PCDHGA3: variants seen among roughly 807,000 people sequenced by gnomAD.
The protein encoded by PCDHGA3 is protocadherin gamma subfamily A, 3, also known as protocadherin gamma-A3.
PCDHGA3 carries 40 observed loss-of-function variants against 58.5 expected under a neutral mutation model. The ratio of observed to expected loss-of-function variants is 0.68; its 90% CI spans 0.53 to 0.89. PCDHGA3 has a LOEUF of 0.89. Ranked by LOEUF, PCDHGA3 falls within the 40% of genes least tolerant of loss-of-function variation. The pLI is 0.00. For missense variants in PCDHGA3, 1,223 were observed against 1,195.9 expected (o/e 1.02, Z -0.33); for synonymous variants, 530 against 525.7 (o/e 1.01, Z -0.11).
intron 1 of PCDHGA3, chr5:141,364,471 C>T (rs1307954673): frequency 3.1e-6 from 5 of 1,613,918 alleles, no homozygotes; most frequent in Non-Finnish European, 4.2e-6. Context: ...TCGTCGGCAA[C>T]ATAGCCAAGG....
Position 141,505,374 on chromosome 5 carries a change from C to T in PCDHGA3, c.2484-19C>T. The T allele has an allele frequency of 2.5e-6, 4 of 1,614,004 alleles. No homozygotes were observed. Among genetic ancestry groups the T allele is most frequent in the Non-Finnish European group, 2.5e-6 (3 of 1,179,944 alleles). On this transcript the variant is annotated intron_variant, in intron 2 of 3. Coordinates refer to ENST00000253812, the MANE Select transcript of PCDHGA3 (RefSeq NM_018916.4). Reference sequence around the variant, plus strand: ...TGCCGGCCTGGGAGTCTGTGCTCACCATCCTACTCTCTCCCCAGCTCCCAA... The same window carrying T: ...TGCCGGCCTGGGAGTCTGTGCTCACTATCCTACTCTCTCCCCAGCTCCCAA...
chr5:141,419,358 C>A (rs569760413), intron 1 of PCDHGA3: 1 of 1,613,810 alleles, frequency 6.2e-7, no homozygotes, highest in South Asian at 1.1e-5. Flanking sequence ...GAGTCACGAA[C>A]GCTGTCGTCC....
intron 1 of PCDHGA3, chr5:141,415,772 T>TTC: frequency 7.5e-7 from 1 of 1,332,986 alleles, no homozygotes; most frequent in Non-Finnish European, 9.6e-7. Flanking sequence ...TTTTTTTTTT[T>TTC]ACTTTCTGGT....
At chr5:141,366,150 G>C in intron 1 of PCDHGA3, 2 of 1,614,136 alleles carry the variant, frequency 1.2e-6, no homozygotes, top group Non-Finnish European at 1.7e-6. Context: ...CTGTCCTACC[G>C]CCTGCTTAAG....
intron 1 of PCDHGA3, among the ~76,000 whole-genome samples, chr5:141,438,629 TATATATACACAC>T (rs1343412075): frequency 0.05 from 2,378 of 47,602 alleles, 22 homozygotes; most frequent in African/African-American, 0.12. Context: ...TATATATATA[TATATATACACAC>T]ACACACACAC....
intron 1 of PCDHGA3, chr5:141,399,900 C>A (rs752796935): frequency 6.2e-7 from 1 of 1,612,532 alleles, no homozygotes; most frequent in African/African-American, 1.3e-5. Flanking sequence ...TGGCCGTGGA[C>A]GCAGACTCAG....
At chr5:141,374,954 A>C in intron 1 of PCDHGA3, 1 of 1,613,990 alleles carries the variant, frequency 6.2e-7, no homozygotes, top group Non-Finnish European at 8.5e-7. Flanking sequence ...GATCTCACAA[A>C]TTTTCTGTTT....
intron 1 of PCDHGA3, chr5:141,362,628 C>T (rs1366089431): frequency 1.0e-5 from 15 of 1,498,628 alleles, no homozygotes; most frequent in African/African-American, 7.0e-5. Context: ...AGTTCCACTG[C>T]GTATTTCTTT....
Position 141,511,703 on chromosome 5 carries a change from T to G in PCDHGA3, c.*530T>G, listed in dbSNP as rs148447880. On this transcript the variant is annotated 3_prime_UTR_variant, in exon 4 of 4. Coordinates refer to ENST00000253812, the MANE Select transcript of PCDHGA3 (RefSeq NM_018916.4). ...AAAGCATGGTTTGGTGCCAGCCCCT[T>G]CACCTCCTTCCAGAGCCCAAGATCA... The G allele has an allele frequency of 1.1e-4, 21 of 189,942 alleles. No homozygotes were observed. In the East Asian group the frequency reaches 2.4e-3, roughly 22 times the overall value. 11.8% of individuals were successfully genotyped at this position (189,942 alleles called of 1,614,324 possible).
rs377387694 is a variant in PCDHGA3 at position 141,366,375 on chromosome 5, T to C, written c.2424+19918T>C. 67 of 1,614,096 alleles carry C rather than the reference T, an allele frequency of 4.2e-5. No individual in the cohort carries two copies. Among genetic ancestry groups the C allele is most frequent in the East Asian group, 1.8e-4 (8 of 44,892 alleles). ...GACCTAGGCAGTATCAAGACCCCCA[T>C]TGACCCTGAGGATCTGGACCTCACA... On this transcript the variant is annotated intron_variant, in intron 1 of 3. Transcript: ENST00000253812.
Position 141,476,278 on chromosome 5 carries a change from T to C in PCDHGA3, c.2425-18529T>C, listed in dbSNP as rs746655724. On this transcript the variant is annotated intron_variant, in intron 1 of 3. Transcript: ENST00000253812. The surrounding 1 kb of genome is among the most constrained non-coding windows in gnomAD (Gnocchi z 7.6). ...CTGTGGGCAACGTGGTCGCGAACCTTGGTTTGGATCTCGGTAGCCTCTCAG... is the reference window on the plus strand; with the variant it reads ...CTGTGGGCAACGTGGTCGCGAACCTCGGTTTGGATCTCGGTAGCCTCTCAG... The C allele has an allele frequency of 3.2e-5, 52 of 1,613,758 alleles. No homozygotes were observed. Among genetic ancestry groups the C allele is most frequent in the Non-Finnish European group, 4.2e-5 (49 of 1,179,958 alleles).
chr5:141,390,474 C>A, intron 1 of PCDHGA3: 1 of 688,724 alleles, frequency 1.5e-6, no homozygotes, highest in Non-Finnish European at 2.4e-6. Flanking sequence ...TTGTGTGGCC[C>A]AACATTTGTT....
At chr5:141,379,806 A>C (rs965954468) in intron 1 of PCDHGA3, among the ~76,000 whole-genome samples, 2 of 150,310 alleles carry the variant, frequency 1.3e-5, no homozygotes, top group African/African-American at 4.9e-5. Context: ...AGGTTTTGAG[A>C]GTTCAGTATA....
In PCDHGA3 at chr5:141,490,261, G is replaced by T; in HGVS notation, c.2425-4546G>T. 6.2e-7 allele frequency: 1 copy of T among 1,614,218 alleles called. No individual in the cohort carries two copies. Among genetic ancestry groups the T allele is most frequent in the Non-Finnish European group, 8.5e-7 (1 of 1,180,038 alleles). ...CCACTGTGTGATTCAAGTGGATGTG[G>T]GGGATGTCAATGACAATGCCCCAGA... On this transcript the variant is annotated intron_variant, in intron 1 of 3. Coordinates refer to ENST00000253812, the MANE Select transcript of PCDHGA3 (RefSeq NM_018916.4). The surrounding 1 kb of genome is among the most constrained non-coding windows in gnomAD (Gnocchi z 5.4).
chr5:141,465,251 A>T (rs1436627558), intron 1 of PCDHGA3, among the ~76,000 whole-genome samples: 1 of 152,214 alleles, frequency 6.6e-6, no homozygotes, highest in Non-Finnish European at 1.5e-5. Flanking sequence ...GCACTTTTGT[A>T]AGCAATGATA....
intron 1 of PCDHGA3, chr5:141,414,637 A>G: frequency 5.6e-6 from 9 of 1,613,894 alleles, no homozygotes; most frequent in Non-Finnish European, 6.8e-6. Context: ...CAGCAAAGAG[A>G]ATGCCCAGAT....
chr5:141,381,775 C>T (rs1162791919), intron 1 of PCDHGA3, among the ~76,000 whole-genome samples: 1 of 150,644 alleles, frequency 6.6e-6, no homozygotes, highest in East Asian at 1.9e-4. Flanking sequence ...AATCAATAAT[C>T]AGGAACAAGG....
At chr5:141,371,049 G>A (rs1334799449) in intron 1 of PCDHGA3, 11 of 1,613,826 alleles carry the variant, frequency 6.8e-6, no homozygotes, top group Non-Finnish European at 8.5e-6. Flanking sequence ...GGATGGGGGC[G>A]AGCCCTCCAG....
rs2099811015 is a variant in PCDHGA3 at position 141,501,774 on chromosome 5, G to GTC, written c.2484-3612_2484-3611dup. ...CTCTCAGTAAATGGTTAAAAAAGAG[G>GTC]TCTCTCTCCCTCTGCTCATCTCTTA... is the stretch of plus-strand genomic sequence containing the variant. On this transcript the variant is annotated intron_variant, in intron 2 of 3. Coordinates refer to ENST00000253812, the MANE Select transcript of PCDHGA3 (RefSeq NM_018916.4). Among the ~76,000 whole-genome samples, 3 of 152,062 alleles carry GTC rather than the reference G, an allele frequency of 2.0e-5. No homozygotes were observed. In the South Asian group the frequency reaches 6.2e-4, roughly 32 times the overall value.
Sources: allele counts gnomAD v4.1 joint callset (sites outside exome capture counted in the v4.1 genomes callset), GRCh38; gene constraint gnomAD v4.1.1; non-coding constraint Gnocchi (gnomAD v3.1); transcripts MANE v1.5; gene names NCBI Gene and HGNC (gene_info 2026-07-23, HGNC 2026-07-21).